The following KHDRBS2 variants were observed in gnomAD, a reference collection of about 807,000 sequenced individuals.
KHDRBS2 encodes the protein KH RNA binding domain containing, signal transduction associated 2.
KHDRBS2 carries 26 observed loss-of-function variants against 44.3 expected under a neutral mutation model. That is an observed-to-expected ratio of 0.59 (90% confidence interval 0.43 to 0.81). The LOEUF (loss-of-function observed/expected upper bound fraction) is 0.81, where lower values mean the gene tolerates loss of function less well. Among genes scored for constraint, KHDRBS2 ranks in the 40% least tolerant of loss-of-function variants. The pLI, the probability that KHDRBS2 is intolerant of heterozygous loss-of-function variation, is 0.00. For synonymous variants in KHDRBS2, 194 were observed against 151.1 expected (o/e 1.28, Z -2.08); for missense variants, 476 against 433.1 (o/e 1.10, Z -0.88).
chr6:62,043,400 T>G lies in KHDRBS2; in HGVS notation c.336+4478A>C, dbSNP rs150860714. Among the ~76,000 whole-genome samples the G allele has an allele frequency of 2.0e-4, 30 of 152,228 alleles. No homozygotes were observed. The East Asian group carries it at 4.8e-3, about 25-fold the overall frequency. Reference sequence around the variant, plus strand: ...AGAACTTTCTAAACTGCTAGTTAATTTCCTGAGGTATTTTGAAATATTTCA... The same window carrying G: ...AGAACTTTCTAAACTGCTAGTTAATGTCCTGAGGTATTTTGAAATATTTCA... On this transcript the variant is annotated intron_variant, in intron 3 of 8. Coordinates refer to ENST00000281156, the MANE Select transcript of KHDRBS2 (RefSeq NM_152688.4).
chr6:62,187,857 G>T (rs1585118315), intron 1 of KHDRBS2, among the ~76,000 whole-genome samples: 1 of 152,062 alleles, frequency 6.6e-6, no homozygotes, highest in Non-Finnish European at 1.5e-5. Flanking sequence ...TGCTATAAAA[G>T]AATACCTGAG....
intron 2 of KHDRBS2, among the ~76,000 whole-genome samples, chr6:62,127,355 AT>A (rs1809214001): frequency 6.6e-6 from 1 of 152,164 alleles, no homozygotes; most frequent in Non-Finnish European, 1.5e-5. Context: ...TTTGGCCACT[AT>A]TAAACTCCCT....
intron 1 of KHDRBS2, among the ~76,000 whole-genome samples, chr6:62,220,490 C>A (rs1380913381): frequency 2.0e-5 from 3 of 151,710 alleles, no homozygotes; most frequent in Non-Finnish European, 3.0e-5. Context: ...CAAATGCACA[C>A]ACAAGTACAT....
chr6:61,823,147 A>G (rs1026981558), intron 6 of KHDRBS2, among the ~76,000 whole-genome samples: 11 of 152,102 alleles, frequency 7.2e-5, no homozygotes, highest in East Asian at 3.9e-4. Flanking sequence ...GACTAGACTC[A>G]GTTGCAAAGG....
chr6:62,241,443 A>T (rs1834651195), intron 1 of KHDRBS2, among the ~76,000 whole-genome samples: 1 of 152,248 alleles, frequency 6.6e-6, no homozygotes, highest in Admixed American at 6.5e-5. Context: ...AGAAGGAAAT[A>T]ATAAAATAAA....
At chr6:61,649,469 C>T in the KHDRBS2 span, among the ~76,000 whole-genome samples, 11 of 152,226 alleles carry the variant, frequency 7.2e-5, no homozygotes, top group Admixed American at 3.3e-4. Context: ...GGGGCCAATA[C>T]GCAGAGGCCA....
chr6:62,214,726 T>C lies in KHDRBS2; in HGVS notation c.92-37414A>G, dbSNP rs1199912528. Among the ~76,000 whole-genome samples the C allele has an allele frequency of 7.2e-5, 11 of 152,066 alleles. No homozygotes were observed. In the East Asian group the frequency reaches 2.1e-3, roughly 29 times the overall value. On this transcript the variant is annotated intron_variant, in intron 1 of 8. Coordinates refer to ENST00000281156, the MANE Select transcript of KHDRBS2 (RefSeq NM_152688.4). ...AAAAGAGGAAACTGGATGAGCATCA[T>C]CCAACAAGTCTCTGTCACATACAGA...
chr6:62,214,572 AAGAAAC>A (rs1829655579), intron 1 of KHDRBS2, among the ~76,000 whole-genome samples: 2 of 151,824 alleles, frequency 1.3e-5, no homozygotes, highest in South Asian at 4.2e-4. Flanking sequence ...GGCACTGAAA[AAGAAAC>A]AGAAGCAGGA....
At chr6:61,568,846 G>A in the KHDRBS2 span, among the ~76,000 whole-genome samples, 1 of 152,194 alleles carries the variant, frequency 6.6e-6, no homozygotes, top group African/African-American at 2.4e-5. Context: ...ACTAGAAAGG[G>A]GGTCAGAGGG....
chr6:61,693,181 T>C (rs1347864609), intron 8 of KHDRBS2, among the ~76,000 whole-genome samples: 1 of 152,166 alleles, frequency 6.6e-6, no homozygotes, highest in Non-Finnish European at 1.5e-5. Flanking sequence ...AATCAATTGA[T>C]ATTTGACTTG....
the KHDRBS2 span, among the ~76,000 whole-genome samples, chr6:61,579,450 T>C: frequency 6.6e-6 from 1 of 152,146 alleles, no homozygotes; most frequent in Admixed American, 6.6e-5. Flanking sequence ...TCATTTTGTT[T>C]TGTTTTGAGT....
chr6:61,728,475 C>T (rs1461025133), intron 7 of KHDRBS2, among the ~76,000 whole-genome samples: 1 of 151,978 alleles, frequency 6.6e-6, no homozygotes, highest in East Asian at 1.9e-4. Flanking sequence ...AAAGATTTAG[C>T]TACAAAGATA....
At chr6:62,260,248 C>A (rs1345425287) in intron 1 of KHDRBS2, among the ~76,000 whole-genome samples, 1 of 151,964 alleles carries the variant, frequency 6.6e-6, no homozygotes, top group African/African-American at 2.4e-5. Flanking sequence ...TTGTGCTTAT[C>A]AATAAAAGGA....
chr6:61,617,532 C>T, the KHDRBS2 span, among the ~76,000 whole-genome samples: 1 of 151,930 alleles, frequency 6.6e-6, no homozygotes. Flanking sequence ...TTTATTTTGA[C>T]ATGTTAGGCA....
Position 61,925,963 on chromosome 6 carries a change from T to A in KHDRBS2, c.484-24592A>T, listed in dbSNP as rs150348644. ...AGTGTCCATATGTCTATAATGTAGG[T>A]AGTAATATTATTGACATTTTAATAA... On this transcript the variant is annotated intron_variant, in intron 4 of 8. Coordinates refer to ENST00000281156, the MANE Select transcript of KHDRBS2 (RefSeq NM_152688.4). Among the ~76,000 whole-genome samples the A allele has an allele frequency of 5.5e-3, 840 of 152,246 alleles. 4 individuals carry two copies. The highest frequency in any genetic ancestry group is 7.5e-3 in the Non-Finnish European group (508 of 68,016).
chr6:61,898,057 A>G (rs1272948002), intron 5 of KHDRBS2, among the ~76,000 whole-genome samples: 1 of 152,090 alleles, frequency 6.6e-6, no homozygotes, highest in African/African-American at 2.4e-5. Context: ...GTTATCATAG[A>G]TAGGATTATT....
chr6:62,105,524 G>A (rs1455843681), intron 2 of KHDRBS2, among the ~76,000 whole-genome samples: 2 of 152,066 alleles, frequency 1.3e-5, no homozygotes, highest in Non-Finnish European at 2.9e-5. Flanking sequence ...ATGTGTCGAG[G>A]AATTTATCCA....
intron 3 of KHDRBS2, among the ~76,000 whole-genome samples, chr6:62,046,853 A>G (rs2127305828): frequency 6.6e-6 from 1 of 151,972 alleles, no homozygotes; most frequent in Middle Eastern, 3.4e-3. Context: ...GGCTAGTAAA[A>G]ATCATTCCGT....
At chr6:62,285,779 C>T in intron 1 of KHDRBS2, 79 bp downstream of exon 1, 1 of 957,718 alleles carries the variant, frequency 1.0e-6, no homozygotes. Flanking sequence ...GAGTCCCTCC[C>T]CAACTTCACT....
Sources: allele counts gnomAD v4.1 joint callset (sites outside exome capture counted in the v4.1 genomes callset), GRCh38; gene constraint gnomAD v4.1.1; transcripts MANE v1.5; gene names NCBI Gene and HGNC (gene_info 2026-07-23, HGNC 2026-07-21).